CLMP: variants seen among roughly 807,000 people sequenced by gnomAD.
The protein encoded by CLMP is CXADR like cell adhesion molecule.
A neutral mutation model predicts 45.2 loss-of-function variants in CLMP; 27 were observed. The observed-to-expected ratio is 0.60, with a 90% CI of 0.44 to 0.82. The LOEUF (loss-of-function observed/expected upper bound fraction) is 0.82, where lower values mean the gene tolerates loss of function less well. Ranked by LOEUF, CLMP falls within the 40% of genes least tolerant of loss-of-function variation. CLMP has a pLI of 0.00. For missense variants in CLMP, 403 were observed against 448.4 expected (o/e 0.90, Z 0.91); for synonymous variants, 167 against 171.4 (o/e 0.97, Z 0.20).
At chr11:123,104,422 T>C (rs1457416340) in intron 1 of CLMP, among the ~76,000 whole-genome samples, 1 of 150,700 alleles carries the variant, frequency 6.6e-6, no homozygotes, top group Non-Finnish European at 1.5e-5. Flanking sequence ...TCTCGCCCTG[T>C]TGCTCAGGCT....
At chr11:123,104,389 A>AT (rs141417184) in intron 1 of CLMP, among the ~76,000 whole-genome samples, 14,270 of 142,956 alleles carry the variant, frequency 0.1, 770 homozygotes, top group East Asian at 0.17. Context: ...CCTGGGTTCT[A>AT]TTTTTTTTTT....
chr11:123,145,444 C>G (rs929126599), intron 1 of CLMP, among the ~76,000 whole-genome samples: 19 of 132,064 alleles, frequency 1.4e-4, no homozygotes, highest in African/African-American at 5.8e-4. Flanking sequence ...GGGTTCAGCT[C>G]TGCGGCTGTT....
intron 5 of CLMP, among the ~76,000 whole-genome samples, chr11:123,079,765 A>G (rs956910906): frequency 6.6e-6 from 1 of 152,194 alleles, no homozygotes; most frequent in East Asian, 1.9e-4. Context: ...GTTTTTAAGA[A>G]AAATTATCTA....
At chr11:123,076,226 ACT>A (rs1865739022) in intron 5 of CLMP, among the ~76,000 whole-genome samples, 1 of 152,176 alleles carries the variant, frequency 6.6e-6, no homozygotes, top group South Asian at 2.1e-4. Flanking sequence ...ATAATGTTAG[ACT>A]CTGTGGAATT....
At position 123,099,020 on chromosome 11, in the gene CLMP, G is replaced by A. The variant is rs190436497; in HGVS notation, c.29-1068C>T. ...GCTGGCTAATTTTTTGTAGAGACAG[G>A]GTCTTGCTCTGTTATTATGCCAGGT... On this transcript the variant is annotated intron_variant, in intron 1 of 6. Transcript: ENST00000448775. Among the ~76,000 whole-genome samples the A allele has an allele frequency of 1.1e-4, 16 of 152,070 alleles. No individual in the cohort carries two copies. The East Asian group carries it at 2.5e-3, about 24-fold the overall frequency.
intron 1 of CLMP, among the ~76,000 whole-genome samples, chr11:123,145,280 A>G (rs1044760386): frequency 6.6e-6 from 1 of 151,996 alleles, no homozygotes; most frequent in Non-Finnish European, 1.5e-5. Context: ...TAAAGGGTTA[A>G]CTTTGTGCTC....
chr11:123,092,299 C>T (rs1865940095), intron 2 of CLMP, among the ~76,000 whole-genome samples: 1 of 140,474 alleles, frequency 7.1e-6, no homozygotes, highest in African/African-American at 2.9e-5. Flanking sequence ...CAAAGACACA[C>T]ACTTTTTTTT....
intron 1 of CLMP, among the ~76,000 whole-genome samples, chr11:123,176,368 A>G (rs1219095005): frequency 2.0e-5 from 3 of 152,240 alleles, no homozygotes; most frequent in Admixed American, 1.3e-4. Context: ...TGTATTTGAA[A>G]TCACACTTTG....
chr11:123,112,707 G>A (rs1365472442), intron 1 of CLMP, among the ~76,000 whole-genome samples: 1 of 150,848 alleles, frequency 6.6e-6, no homozygotes, highest in African/African-American at 2.4e-5. Flanking sequence ...TTCTCTTATT[G>A]TCACTGGGGA....
intron 1 of CLMP, among the ~76,000 whole-genome samples, chr11:123,183,695 CA>C (rs1861798069): frequency 6.6e-6 from 1 of 152,130 alleles, no homozygotes; most frequent in Admixed American, 6.5e-5. Context: ...ATGCGTGAAA[CA>C]AATCTCAAAT....
At chr11:123,162,476 G>A (rs1344652858) in intron 1 of CLMP, among the ~76,000 whole-genome samples, 4 of 152,174 alleles carry the variant, frequency 2.6e-5, no homozygotes, top group African/African-American at 9.7e-5. Context: ...GAGGAACTGG[G>A]AAATAAATCT....
At chr11:123,175,871 T>C (rs943734990) in intron 1 of CLMP, among the ~76,000 whole-genome samples, 1 of 152,188 alleles carries the variant, frequency 6.6e-6, no homozygotes, top group Non-Finnish European at 1.5e-5. Flanking sequence ...ACTTGAAGAT[T>C]CATAGAAGTT....
intron 1 of CLMP, among the ~76,000 whole-genome samples, chr11:123,154,604 TA>T: frequency 6.6e-6 from 1 of 152,218 alleles, no homozygotes; most frequent in East Asian, 1.9e-4. Flanking sequence ...GTCAAATAAA[TA>T]AGGTGACCAC....
chr11:123,116,881 C>T (rs902524891), intron 1 of CLMP, among the ~76,000 whole-genome samples: 4 of 151,990 alleles, frequency 2.6e-5, no homozygotes, highest in African/African-American at 9.7e-5. Context: ...GTGTTATTTC[C>T]CTATGACAAA....
chr11:123,084,833 G>C, intron 2 of CLMP, 120 bp from the exon 3 acceptor site: 1 of 741,528 alleles, frequency 1.3e-6, no homozygotes, highest in East Asian at 2.6e-5. Context: ...CTGGGGCTGA[G>C]AGTCCAAGAG....
At chr11:123,102,754 A>C (rs2135484360) in intron 1 of CLMP, among the ~76,000 whole-genome samples, 2 of 117,430 alleles carry the variant, frequency 1.7e-5, no homozygotes, top group Non-Finnish European at 3.3e-5. Context: ...ACAGGATTTC[A>C]CCATGTTGGT....
intron 1 of CLMP, among the ~76,000 whole-genome samples, chr11:123,137,528 T>A (rs1016988837): frequency 1.3e-5 from 2 of 152,066 alleles, no homozygotes; most frequent in African/African-American, 4.8e-5. Flanking sequence ...TTGGACCATC[T>A]GCTCACTGTT....
chr11:123,115,749 T>C (rs1483330802), intron 1 of CLMP, among the ~76,000 whole-genome samples: 3 of 152,160 alleles, frequency 2.0e-5, no homozygotes, highest in African/African-American at 7.2e-5. Flanking sequence ...TTTGTTGAGC[T>C]CTTTATGATG....
chr11:123,188,315 C>T (rs1318090394), intron 1 of CLMP, among the ~76,000 whole-genome samples: 1 of 152,154 alleles, frequency 6.6e-6, no homozygotes, highest in African/African-American at 2.4e-5. Flanking sequence ...CTGCTCCCGC[C>T]ATCCGTGAAA....
Sources: gnomAD v4.1 joint callset for allele counts (sites outside exome capture counted in the v4.1 genomes callset) on GRCh38, gnomAD v4.1.1 for gene constraint, MANE v1.5 for transcripts, NCBI Gene and HGNC (gene_info 2026-07-23, HGNC 2026-07-21) for gene names.